Variants in RELA observed in about 807,000 individuals in gnomAD.
RELA encodes RELA proto-oncogene, NF-kB subunit.
RELA carries 14 observed loss-of-function variants against 56.7 expected under a neutral mutation model. The observed-to-expected ratio is 0.25, with a 90% CI of 0.16 to 0.39. RELA has a LOEUF of 0.39. Among genes scored for constraint, RELA ranks in the 10% least tolerant of loss-of-function variants. The pLI, the probability that RELA is intolerant of heterozygous loss-of-function variation, is 1.00. For missense variants in RELA, 559 were observed against 736.4 expected (o/e 0.76, Z 2.79); for synonymous variants, 315 against 289.7 (o/e 1.09, Z -0.89).
At chr11:65,660,302 C>A in intron 4 of RELA, 87 bp from the exon 5 acceptor site, 3 of 1,215,718 alleles carry the variant, frequency 2.5e-6, no homozygotes, top group East Asian at 2.4e-5. Context: ...CTACTCTGCC[C>A]ACCCCTAGAT....
intron 10 of RELA, 126 bp from the exon 11 acceptor site, chr11:65,655,126 C>T: frequency 2.6e-6 from 2 of 755,622 alleles, no homozygotes; most frequent in East Asian, 2.7e-5. Context: ...CTGCCAACAC[C>T]CTATCTCCTT....
In RELA at chr11:65,653,749, TGAG is replaced by T. The variant is rs1856340721; in HGVS notation, c.*626_*628del. On this transcript the variant is annotated 3_prime_UTR_variant, in exon 11 of 11. Transcript: ENST00000406246. ...CAACTTACCCTACTATTAAGGCACT[TGAG>T]AAGAGGGAGAGCAAGGAAGTCCCAG... 6.5e-6 allele frequency: 1 copy of T among 154,744 alleles called. No homozygotes were observed. The allele number at this position is 154,744 out of a possible 1,614,324, so 9.6% of individuals were successfully genotyped here. A position where few individuals can be genotyped will look rare whatever the true frequency, so the allele number is the denominator to read the frequency against.
upstream of RELA, among the ~76,000 whole-genome samples, chr11:65,663,611 T>A (rs565379228): frequency 6.6e-6 from 1 of 152,352 alleles, no homozygotes; most frequent in South Asian, 2.1e-4. Flanking sequence ...TCTCATCGGC[T>A]GTGGGAGCAG....
chr11:65,662,365 G>T, intron 1 of RELA, 160 bp from the exon 2 acceptor site: 1 of 809,372 alleles, frequency 1.2e-6, no homozygotes, highest in Non-Finnish European at 1.8e-6. Context: ...GTGGAGGAAA[G>T]GAACCAGAAA....
At chr11:65,663,476 C>A (rs1002708091), upstream of RELA, among the ~76,000 whole-genome samples, 2 of 152,184 alleles carry the variant, frequency 1.3e-5, no homozygotes, top group African/African-American at 4.8e-5. Flanking sequence ...CCTGACAGTG[C>A]ATCAAGAGCT....
upstream of RELA, among the ~76,000 whole-genome samples, chr11:65,663,375 G>T (rs936291012): frequency 2.0e-5 from 3 of 152,212 alleles, no homozygotes; most frequent in Non-Finnish European, 2.9e-5. Flanking sequence ...GGTGCCTTTC[G>T]GTGGTGGCTG....
rs775224985 is a variant in RELA, at chr11:65,658,215, G to C, written c.877+72C>G. ...CTTCTGGCCCTCAACCACAGCCCCA[G>C]ACATGCAGTCTTGGCCTCTCTCTCA... is the stretch of plus-strand genomic sequence containing the variant. On this transcript the variant is annotated intron_variant, in intron 8 of 10. Coordinates refer to ENST00000406246, the MANE Select transcript of RELA (RefSeq NM_021975.4). The surrounding 1 kb of genome is among the most constrained non-coding windows in gnomAD (Gnocchi z 4.5). 150 of 1,190,618 alleles carry C rather than the reference G, an allele frequency of 1.3e-4. No homozygotes were observed. Among genetic ancestry groups the C allele is most frequent in the Non-Finnish European group, 1.7e-4 (147 of 847,042 alleles). 73.8% of individuals were successfully genotyped at this position (1,190,618 alleles called of 1,614,324 possible).
intron 10 of RELA, 24 bp from the exon 11 acceptor site, chr11:65,655,024 A>G (rs1856386033): frequency 1.3e-6 from 2 of 1,564,434 alleles, no homozygotes; most frequent in Non-Finnish European, 8.7e-7. Context: ...ACAGAGAGGC[A>G]GGGGTCAGAG....
At chr11:65,661,519 G>C (rs1470012412) in intron 4 of RELA, 168 bp downstream of exon 4, 2 of 603,684 alleles carry the variant, frequency 3.3e-6, no homozygotes, top group Non-Finnish European at 5.7e-6. Context: ...TAGAGTAAAC[G>C]TACAAATAGA....
At position 65,654,338 on chromosome 11, in the gene RELA, C is replaced by T; in HGVS notation, c.*40G>A. ...AAGTGCTTTTGGAGGGCTTCAATCCCCTGCAACCCAGTGCTCTGGGGAGGG... is the reference window on the plus strand; with the variant it reads ...AAGTGCTTTTGGAGGGCTTCAATCCTCTGCAACCCAGTGCTCTGGGGAGGG... On this transcript the variant is annotated 3_prime_UTR_variant, in exon 11 of 11. Transcript: ENST00000406246. 1 of 1,613,534 alleles carries T rather than the reference C, an allele frequency of 6.2e-7. No homozygotes were observed. Among genetic ancestry groups the T allele is most frequent in the Non-Finnish European group, 8.5e-7 (1 of 1,179,958 alleles).
Position 65,658,709 on chromosome 11 carries a change from G to C in RELA, c.664+9C>G. The C allele has an allele frequency of 3.7e-6, 6 of 1,611,532 alleles. No individual in the cohort carries two copies. Among genetic ancestry groups the C allele is most frequent in the Admixed American group, 1.7e-5 (1 of 60,016 alleles). On this transcript the variant is annotated intron_variant, in intron 7 of 10. Coordinates refer to ENST00000406246, the MANE Select transcript of RELA (RefSeq NM_021975.4). This position sits in a 1 kb window ranked among gnomAD's most constrained non-coding sequence, Gnocchi z 4.5. ...TCCCAAGAGCCCACCCCTGCCTCCT[G>C]ATGTATACCTTTCTGCACCTTGTCA...
chr11:65,654,137 AG>A lies in RELA; in HGVS notation c.*240del. The A allele has an allele frequency of 1.8e-6, 1 of 570,846 alleles. No homozygotes were observed. The highest frequency in any genetic ancestry group is 1.8e-5 in the South Asian group (1 of 54,918). 35.4% of individuals were successfully genotyped at this position (570,846 alleles called of 1,614,324 possible). A position where few individuals can be genotyped will look rare whatever the true frequency, so the allele number is the denominator to read the frequency against. On this transcript the variant is annotated 3_prime_UTR_variant, in exon 11 of 11. Coordinates refer to ENST00000406246, the MANE Select transcript of RELA (RefSeq NM_021975.4). The stretch of plus-strand genomic sequence containing the variant: ...GAGCTGACCATCAGGACAGGGGAAA[AG>A]TTTGAGTTTCCCCAGCTCCCCCCTT...
intron 4 of RELA, 71 bp downstream of exon 4, chr11:65,661,616 A>G (rs1590939344): frequency 2.1e-6 from 3 of 1,420,786 alleles, no homozygotes; most frequent in African/African-American, 2.9e-5. Context: ...AAGGAGTAAC[A>G]CTGTAGCGGC....
rs1856609539 is a variant in RELA at position 65,662,857 on chromosome 11, G to A, written c.-25C>T. On this transcript the variant is annotated 5_prime_UTR_variant, in exon 1 of 11. Coordinates refer to ENST00000406246, the MANE Select transcript of RELA (RefSeq NM_021975.4). Reference sequence around the variant, plus strand: ...TGGCCGGGGTCCCGGGGGCGGGGCCGGGGTCGCAGCTGGGCCCGCGGCGTG... The same window carrying A: ...TGGCCGGGGTCCCGGGGGCGGGGCCAGGGTCGCAGCTGGGCCCGCGGCGTG... 8.4e-7 allele frequency: 1 copy of A among 1,192,052 alleles called. No homozygotes were observed. The highest frequency in any genetic ancestry group is 1.0e-6 in the Non-Finnish European group (1 of 962,236). 73.8% of individuals were successfully genotyped at this position (1,192,052 alleles called of 1,614,324 possible).
rs374134659 is a variant in RELA, at chr11:65,661,909, TC to T, written c.186+27del. On this transcript the variant is annotated intron_variant, in intron 3 of 10. Transcript: ENST00000406246. ...AGAGGGCTGGGGTTCCACAGTCCCT[TC>T]CCCGCACACCCTGGCGCAGTGCTGA... 259 of 1,607,612 alleles carry T rather than the reference TC, an allele frequency of 1.6e-4. No individual in the cohort carries two copies. In the South Asian group the frequency reaches 2.5e-3, roughly 15 times the overall value.
Position 65,654,153 on chromosome 11 carries a change from G to T in RELA, c.*225C>A. On this transcript the variant is annotated 3_prime_UTR_variant, in exon 11 of 11. Coordinates refer to ENST00000406246, the MANE Select transcript of RELA (RefSeq NM_021975.4). The stretch of plus-strand genomic sequence containing the variant: ...CAGGGGAAAAGTTTGAGTTTCCCCA[G>T]CTCCCCCCTTTCCAGAGAAGTTAAT... 1.6e-6 allele frequency: 1 copy of T among 639,278 alleles called. No individual in the cohort carries two copies. Among genetic ancestry groups the T allele is most frequent in the South Asian group, 1.7e-5 (1 of 59,940 alleles). The allele number at this position is 639,278 out of a possible 1,614,324, so 39.6% of individuals were successfully genotyped here. A position where few individuals can be genotyped will look rare whatever the true frequency, so the allele number is the denominator to read the frequency against.
chr11:65,654,336 C>CCCCTGCAA lies in RELA; in HGVS notation c.*34_*41dup. The CCCCTGCAA allele has an allele frequency of 6.2e-7, 1 of 1,613,414 alleles. No individual in the cohort carries two copies. Among genetic ancestry groups the CCCCTGCAA allele is most frequent in the Non-Finnish European group, 8.5e-7 (1 of 1,179,874 alleles). ...GTAAGTGCTTTTGGAGGGCTTCAATCCCCTGCAACCCAGTGCTCTGGGGAG... is the reference window on the plus strand; with the variant it reads ...GTAAGTGCTTTTGGAGGGCTTCAATCCCCTGCAACCCTGCAACCCAGTGCTCTGGGGAG... On this transcript the variant is annotated 3_prime_UTR_variant, in exon 11 of 11. Transcript: ENST00000406246.
chr11:65,663,065 G>T, upstream of RELA: 1 of 265,064 alleles, frequency 3.8e-6, no homozygotes, highest in Non-Finnish European at 7.0e-6. Flanking sequence ...GGGGGTCGGG[G>T]CCAAGTGCGC....
At chr11:65,660,300 C>T in intron 4 of RELA, 85 bp from the exon 5 acceptor site, 3 of 1,235,242 alleles carry the variant, frequency 2.4e-6, no homozygotes, top group Non-Finnish European at 2.4e-6. Context: ...TCCTACTCTG[C>T]CCACCCCTAG....
Sources: allele counts gnomAD v4.1 joint callset (sites outside exome capture counted in the v4.1 genomes callset), GRCh38; gene constraint gnomAD v4.1.1; non-coding constraint Gnocchi (gnomAD v3.1); transcripts MANE v1.5; gene names NCBI Gene and HGNC (gene_info 2026-07-23, HGNC 2026-07-21).